Variants in SLC30A9 observed in about 807,000 individuals in gnomAD.
SLC30A9 encodes solute carrier family 30 member 9.
SLC30A9 carries 58 observed loss-of-function variants against 87.5 expected under a neutral mutation model. The observed-to-expected ratio is 0.66, with a 90% confidence interval of 0.54 to 0.82. The LOEUF (loss-of-function observed/expected upper bound fraction) is 0.82, where lower values mean the gene tolerates loss of function less well. SLC30A9 is among the 40% of genes least tolerant of loss of function. SLC30A9 has a pLI of 0.00. For missense variants in SLC30A9, 557 were observed against 679.1 expected (o/e 0.82, Z 2.00); for synonymous variants, 234 against 233.0 (o/e 1.00, Z -0.04).
chr4:41,992,152 C>A (rs927210167), intron 1 of SLC30A9, among the ~76,000 whole-genome samples: 4 of 151,678 alleles, frequency 2.6e-5, no homozygotes, highest in Admixed American at 2.0e-4. Context: ...CCAAGACCAG[C>A]CCGGGCAACA....
At chr4:42,028,265 G>C (rs1334226296) in intron 6 of SLC30A9, among the ~76,000 whole-genome samples, 10 of 152,106 alleles carry the variant, frequency 6.6e-5, no homozygotes, top group Admixed American at 6.5e-4. Context: ...TTACAGGTGC[G>C]TGCTACCATG....
intron 11 of SLC30A9, among the ~76,000 whole-genome samples, chr4:42,063,944 G>A (rs1030858150): frequency 6.6e-6 from 1 of 152,082 alleles, no homozygotes; most frequent in African/African-American, 2.4e-5. Context: ...AGACTCCTAG[G>A]GACCTGTGTG....
Position 42,012,455 on chromosome 4 carries a change from AAAAG to A in SLC30A9, c.275-5655_275-5652del, listed in dbSNP as rs370450768. On this transcript the variant is annotated intron_variant, in intron 2 of 17. Coordinates refer to ENST00000264451, the MANE Select transcript of SLC30A9 (RefSeq NM_006345.4). ...ATATAAAGATGAATGTCATTTTAAA[AAAAG>A]CTTATTTTCTAAAATTTTGGGAGGT... Among the ~76,000 whole-genome samples, 385 of 152,350 alleles carry A rather than the reference AAAAG, an allele frequency of 2.5e-3. 1 individual carries two copies. The highest frequency in any genetic ancestry group is 8.9e-3 in the African/African-American group (369 of 41,580).
At chr4:42,070,352 T>A (rs922876888) in intron 14 of SLC30A9, 174 bp from the exon 15 acceptor site, 3 of 506,362 alleles carry the variant, frequency 5.9e-6, no homozygotes, top group Non-Finnish European at 1.1e-5. Context: ...AGTTGTAGCA[T>A]CCTCATTTTG....
Position 42,065,464 on chromosome 4 carries a change from G to A in SLC30A9, c.1072+115G>A, listed in dbSNP as rs931990786. ...TAAAGAAAAGCAAGTGTGGGAATAG[G>A]CATCTAAGCTTTCTCTACTTTTAGG... On this transcript the variant is annotated intron_variant, in intron 12 of 17. Coordinates refer to ENST00000264451, the MANE Select transcript of SLC30A9 (RefSeq NM_006345.4). 9 of 677,062 alleles carry A rather than the reference G, an allele frequency of 1.3e-5. No individual in the cohort carries two copies. In the African/African-American group the frequency reaches 1.6e-4, roughly 12 times the overall value. 41.9% of individuals were successfully genotyped at this position (677,062 alleles called of 1,614,324 possible).
intron 8 of SLC30A9, among the ~76,000 whole-genome samples, chr4:42,041,625 A>G (rs1716927183): frequency 6.6e-6 from 1 of 152,092 alleles, no homozygotes; most frequent in South Asian, 2.1e-4. Context: ...CTGTAGACCT[A>G]CTCAGGAAGC....
intron 11 of SLC30A9, among the ~76,000 whole-genome samples, chr4:42,063,805 A>T (rs1335002664): frequency 6.6e-6 from 1 of 151,974 alleles, no homozygotes; most frequent in African/African-American, 2.4e-5. Context: ...TGCTCTGGCT[A>T]TGGCTGCCCA....
At chr4:41,991,735 TAGTG>T (rs1714450655) in intron 1 of SLC30A9, among the ~76,000 whole-genome samples, 1 of 152,152 alleles carries the variant, frequency 6.6e-6, no homozygotes, top group Non-Finnish European at 1.5e-5. Context: ...CTTGGCAACA[TAGTG>T]AGCTGTCTGT....
intron 12 of SLC30A9, among the ~76,000 whole-genome samples, chr4:42,065,962 A>G (rs1374250668): frequency 6.6e-6 from 1 of 152,230 alleles, no homozygotes. Context: ...AGAGTTTAAT[A>G]ATATTCACCA....
At chr4:42,069,978 A>G (rs116525989) in intron 14 of SLC30A9, among the ~76,000 whole-genome samples, 5,196 of 152,226 alleles carry the variant, frequency 0.034, 123 homozygotes, top group Middle Eastern at 0.065. Context: ...ACCTTGAGGC[A>G]CCTATGGCAT....
intron 2 of SLC30A9, among the ~76,000 whole-genome samples, chr4:42,015,442 C>G (rs886400270): frequency 6.6e-6 from 1 of 152,002 alleles, no homozygotes; most frequent in Non-Finnish European, 1.5e-5. Flanking sequence ...GGCAGAAGTA[C>G]AAATGTACCA....
chr4:42,023,097 A>G (rs1205935044), intron 5 of SLC30A9, among the ~76,000 whole-genome samples, 167 bp downstream of exon 5: 1 of 152,206 alleles, frequency 6.6e-6, no homozygotes, highest in African/African-American at 2.4e-5. Flanking sequence ...TTAACTAAAT[A>G]TATGTCATAA....
chr4:42,068,245 CTTT>C (rs59683160), intron 14 of SLC30A9, among the ~76,000 whole-genome samples: 5 of 142,286 alleles, frequency 3.5e-5, no homozygotes, highest in Admixed American at 7.0e-5. Context: ...GAACTTAACT[CTTT>C]TTTTTTTTTT....
At chr4:41,998,016 T>C (rs1288201444) in intron 1 of SLC30A9, among the ~76,000 whole-genome samples, 2 of 152,194 alleles carry the variant, frequency 1.3e-5, no homozygotes, top group African/African-American at 4.8e-5. Context: ...ACGTATACAG[T>C]AGACTGAGTT....
intron 6 of SLC30A9, among the ~76,000 whole-genome samples, chr4:42,028,910 T>C (rs934423504): frequency 6.6e-6 from 1 of 152,362 alleles, no homozygotes; most frequent in African/African-American, 2.4e-5. Context: ...ACGTTATTTT[T>C]CTTAATGCAT....
chr4:42,027,136 T>C (rs1716226953), intron 6 of SLC30A9, among the ~76,000 whole-genome samples: 1 of 152,200 alleles, frequency 6.6e-6, no homozygotes, highest in South Asian at 2.1e-4. Context: ...GTCTGCTGCC[T>C]GTTTTTGTAT....
chr4:42,084,031 C>A (rs1718831715), intron 17 of SLC30A9, among the ~76,000 whole-genome samples: 1 of 152,092 alleles, frequency 6.6e-6, no homozygotes, highest in Non-Finnish European at 1.5e-5. Flanking sequence ...TAACTGGATG[C>A]CTTTAATACA....
chr4:42,082,573 C>T (rs772285758), intron 17 of SLC30A9, among the ~76,000 whole-genome samples: 56 of 152,208 alleles, frequency 3.7e-4, no homozygotes, highest in Non-Finnish European at 6.2e-4. Context: ...TGTGGCTGGG[C>T]GCAGTGGCTC....
chr4:42,029,158 C>T (rs564277315), intron 6 of SLC30A9: 9 of 361,646 alleles, frequency 2.5e-5, no homozygotes, highest in African/African-American at 1.8e-4. Context: ...GAGGGCGTGC[C>T]CCGAAGCCAC....
Sources: gnomAD v4.1 joint callset for allele counts (sites outside exome capture counted in the v4.1 genomes callset) on GRCh38, gnomAD v4.1.1 for gene constraint, MANE v1.5 for transcripts, NCBI Gene and HGNC (gene_info 2026-07-23, HGNC 2026-07-21) for gene names.